The following SLC2A13 variants were observed in gnomAD, a reference collection of about 807,000 sequenced individuals.
SLC2A13 encodes solute carrier family 2 member 13, also known as proton myo-inositol cotransporter.
Under a neutral mutation model 64.4 loss-of-function variants are expected in SLC2A13, and 32 were observed. The observed-to-expected ratio is 0.50, with a 90% CI of 0.37 to 0.67. The LOEUF is 0.67. Among genes scored for constraint, SLC2A13 ranks in the 30% least tolerant of loss-of-function variants. The pLI, the probability that SLC2A13 is intolerant of heterozygous loss-of-function variation, is 0.00. For missense variants in SLC2A13, 743 were observed against 829.2 expected (o/e 0.90, Z 1.28); for synonymous variants, 338 against 327.1 (o/e 1.03, Z -0.36).
chr12:39,898,915 A>T (rs1168936431), intron 4 of SLC2A13, among the ~76,000 whole-genome samples: 3 of 152,208 alleles, frequency 2.0e-5, no homozygotes, highest in Admixed American at 2.0e-4. Context: ...AAAGGAGAGA[A>T]GGAAAAGAAG....
chr12:39,930,296 A>G (rs1365687517), intron 4 of SLC2A13, among the ~76,000 whole-genome samples: 1 of 152,088 alleles, frequency 6.6e-6, no homozygotes, highest in Non-Finnish European at 1.5e-5. Context: ...AGAGGAGCAA[A>G]CAGAAGACTC....
intron 7 of SLC2A13, among the ~76,000 whole-genome samples, chr12:39,772,594 T>C (rs1279432170): frequency 8.7e-5 from 13 of 149,634 alleles, no homozygotes; most frequent in Admixed American, 8.0e-4. Context: ...TTTAAGAAAA[T>C]AGGAAAGGAA....
intron 4 of SLC2A13, among the ~76,000 whole-genome samples, chr12:39,933,643 GAA>G (rs1592295528): frequency 6.6e-6 from 1 of 152,164 alleles, no homozygotes; most frequent in East Asian, 1.9e-4. Context: ...GGTCTCCTGT[GAA>G]GGGTGCCCTG....
At chr12:39,937,659 C>G (rs1016910520) in intron 4 of SLC2A13, among the ~76,000 whole-genome samples, 1 of 152,162 alleles carries the variant, frequency 6.6e-6, no homozygotes, top group African/African-American at 2.4e-5. Context: ...GTTGCTGATA[C>G]TTTACAAACC....
chr12:39,871,626 G>A (rs1391452754), intron 5 of SLC2A13, among the ~76,000 whole-genome samples, 172 bp downstream of exon 5: 1 of 151,792 alleles, frequency 6.6e-6, no homozygotes, highest in East Asian at 1.9e-4. Context: ...TAGCGTAACA[G>A]TTGTTAAAAG....
chr12:39,799,452 C>T (rs894084706), intron 7 of SLC2A13, among the ~76,000 whole-genome samples: 21 of 63,552 alleles, frequency 3.3e-4, no homozygotes, highest in South Asian at 1.7e-3. Context: ...CTCTACACGG[C>T]GCACTTTTAC....
At chr12:39,878,351 C>G (rs766549739) in intron 4 of SLC2A13, among the ~76,000 whole-genome samples, 1 of 152,154 alleles carries the variant, frequency 6.6e-6, no homozygotes, top group Non-Finnish European at 1.5e-5. Context: ...AAATTTGGAA[C>G]TTTTAAGAGA....
Position 39,871,979 on chromosome 12 carries a change from A to G in SLC2A13, c.1035-18T>C, listed in dbSNP as rs1203913598. 1 of 1,544,852 alleles carries G rather than the reference A, an allele frequency of 6.5e-7. No individual in the cohort carries two copies. The highest frequency in any genetic ancestry group is 2.4e-5 in the East Asian group (1 of 41,826). ...TGTAGTACCTGCAAAGCAATGAATA[A>G]AACAATTGCTATTGATAGTTACCCA... On this transcript the variant is annotated intron_variant, in intron 4 of 9. Transcript: ENST00000280871.
In SLC2A13 at chr12:40,085,917, C is replaced by T. The variant is rs531624613; in HGVS notation, c.556+19336G>A. ...TGAGACAGAGTCTCGCTCTGTCACC[C>T]AGCCTAGAGTGCAGTGGCACAATCC... is the stretch of plus-strand genomic sequence containing the variant. On this transcript the variant is annotated intron_variant, in intron 1 of 9. Transcript: ENST00000280871. Among the ~76,000 whole-genome samples, 111 of 152,252 alleles carry T rather than the reference C, an allele frequency of 7.3e-4. 1 individual carries two copies. Among genetic ancestry groups the T allele is most frequent in the African/African-American group, 2.5e-3 (102 of 41,566 alleles).
chr12:39,951,545 A>T (rs1000758535), intron 3 of SLC2A13, among the ~76,000 whole-genome samples, 180 bp from the exon 4 acceptor site: 3 of 152,176 alleles, frequency 2.0e-5, no homozygotes, highest in African/African-American at 7.2e-5. Context: ...GCAAACAGAT[A>T]GTGTTTTTGT....
At chr12:40,066,769 C>A (rs995504713) in intron 1 of SLC2A13, among the ~76,000 whole-genome samples, 1 of 152,098 alleles carries the variant, frequency 6.6e-6, no homozygotes, top group African/African-American at 2.4e-5. Flanking sequence ...GTTTCATGAA[C>A]TAAGCTTGCA....
chr12:39,816,622 G>A (rs150879262), intron 7 of SLC2A13, among the ~76,000 whole-genome samples: 2,250 of 133,064 alleles, frequency 0.017, 27 homozygotes, highest in Middle Eastern at 0.027. Context: ...AGTAATACAA[G>A]AATTATATTA....
chr12:39,931,467 C>T (rs1245940580), intron 4 of SLC2A13, among the ~76,000 whole-genome samples: 1 of 152,210 alleles, frequency 6.6e-6, no homozygotes, highest in Admixed American at 6.5e-5. Flanking sequence ...GACACGTGGG[C>T]CTCCTGAGTA....
chr12:39,978,459 G>T (rs568929910), intron 3 of SLC2A13, among the ~76,000 whole-genome samples: 2 of 152,298 alleles, frequency 1.3e-5, no homozygotes, highest in Admixed American at 6.5e-5. Flanking sequence ...CAGGCCAGTG[G>T]GTGCGCGCAC....
intron 3 of SLC2A13, among the ~76,000 whole-genome samples, chr12:39,968,483 G>C (rs1250349395): frequency 3.9e-5 from 6 of 151,936 alleles, no homozygotes; most frequent in Admixed American, 3.9e-4. Flanking sequence ...CGGTATTTCT[G>C]TTTGTTTTTT....
chr12:39,895,787 T>TACACACATGTATATACGTGTATATGC (rs1944779767), intron 4 of SLC2A13, among the ~76,000 whole-genome samples: 1 of 43,846 alleles, frequency 2.3e-5, no homozygotes, highest in African/African-American at 8.6e-5. Context: ...CGTGTATACG[T>TACACACATGTATATACGTGTATATGC]ACACACATGT....
At chr12:40,037,417 A>G (rs1288907968) in intron 2 of SLC2A13, among the ~76,000 whole-genome samples, 7 of 152,044 alleles carry the variant, frequency 4.6e-5, no homozygotes, top group Admixed American at 4.6e-4. Flanking sequence ...TCAGGATTTC[A>G]AAACCAGCCC....
chr12:39,867,210 C>CA (rs1943933230), intron 5 of SLC2A13, among the ~76,000 whole-genome samples: 3 of 152,094 alleles, frequency 2.0e-5, no homozygotes, highest in Non-Finnish European at 4.4e-5. Flanking sequence ...TATTGCCATG[C>CA]AACAGGTAAG....
intron 6 of SLC2A13, among the ~76,000 whole-genome samples, chr12:39,853,089 A>G (rs1406971738): frequency 6.6e-6 from 1 of 152,222 alleles, no homozygotes; most frequent in African/African-American, 2.4e-5. Flanking sequence ...GTTTTGTCCA[A>G]TTCTTTGCTC....
Sources: gnomAD v4.1 joint callset for allele counts (sites outside exome capture counted in the v4.1 genomes callset) on GRCh38, gnomAD v4.1.1 for gene constraint, MANE v1.5 for transcripts, NCBI Gene and HGNC (gene_info 2026-07-23, HGNC 2026-07-21) for gene names.